The following PGPEP1 variants were observed in gnomAD, a reference collection of about 807,000 sequenced individuals.
PGPEP1 encodes pyroglutamyl-peptidase I.
PGPEP1 carries 15 observed loss-of-function variants against 24.1 expected under a neutral mutation model. The observed-to-expected ratio is 0.62, with a 90% confidence interval of 0.42 to 0.96. The LOEUF (loss-of-function observed/expected upper bound fraction) is 0.96. PGPEP1 is among the 40% of genes least tolerant of loss of function. The pLI is 0.00. For synonymous variants in PGPEP1, 122 were observed against 116.4 expected (o/e 1.05, Z -0.31); for missense variants, 242 against 273.4 (o/e 0.89, Z 0.81).
intron 2 of PGPEP1, among the ~76,000 whole-genome samples, chr19:18,347,635 CTT>C (rs1286507690): frequency 2.1e-4 from 29 of 135,828 alleles, no homozygotes; most frequent in Non-Finnish European, 2.4e-4. Flanking sequence ...TCTGTCTCTC[CTT>C]TTTTTTTTTT....
intron 2 of PGPEP1, among the ~76,000 whole-genome samples, chr19:18,345,581 C>T (rs1026371529): frequency 7.3e-5 from 11 of 150,776 alleles, no homozygotes; most frequent in African/African-American, 2.0e-4. Context: ...TACAAACAGC[C>T]GGGAGTGGTG....
chr19:18,354,833 T>C (rs971289807), intron 2 of PGPEP1, among the ~76,000 whole-genome samples: 2 of 151,592 alleles, frequency 1.3e-5, no homozygotes, highest in African/African-American at 4.8e-5. Flanking sequence ...TCTAAAATAA[T>C]AACAGTAATA....
chr19:18,358,979 A>G (rs1419104586), intron 4 of PGPEP1, among the ~76,000 whole-genome samples: 1 of 152,128 alleles, frequency 6.6e-6, no homozygotes, highest in Non-Finnish European at 1.5e-5. Flanking sequence ...ATTCTATTGC[A>G]AAAGGTCTTT....
Position 18,356,081 on chromosome 19 carries a change from T to G in PGPEP1, c.204+70T>G, listed in dbSNP as rs1166199663. 17 of 936,480 alleles carry G rather than the reference T, an allele frequency of 1.8e-5. No individual in the cohort carries two copies. In the Admixed American group the frequency reaches 2.9e-4, roughly 16 times the overall value. The allele number at this position is 936,480 out of a possible 1,614,324, so 58.0% of individuals were successfully genotyped here. On this transcript the variant is annotated intron_variant, in intron 3 of 4. Coordinates refer to ENST00000269919, the MANE Select transcript of PGPEP1 (RefSeq NM_017712.4). ...GTTGGCACCCTTCATGTGGAGGACT[T>G]AGGTGGCTTTGGTCCTGATCAGATC...
At chr19:18,353,046 T>C (rs963936122) in intron 2 of PGPEP1, among the ~76,000 whole-genome samples, 1 of 151,796 alleles carries the variant, frequency 6.6e-6, no homozygotes, top group African/African-American at 2.4e-5. Context: ...GCCTCCTGAG[T>C]AGCTGGGATT....
chr19:18,347,875 G>A (rs564489714), intron 2 of PGPEP1, among the ~76,000 whole-genome samples: 3 of 151,806 alleles, frequency 2.0e-5, no homozygotes, highest in East Asian at 1.9e-4. Flanking sequence ...CTCGTGATCC[G>A]CCTGCCTTGG....
chr19:18,340,769 C>A, intron 1 of PGPEP1, 54 bp downstream of exon 1: 1 of 1,330,616 alleles, frequency 7.5e-7, no homozygotes, highest in Non-Finnish European at 9.8e-7. Flanking sequence ...GAGGCGGGGG[C>A]GGCTCCGGGA....
Position 18,369,352 on chromosome 19 carries a change from C to A in PGPEP1, c.*5769C>A. On this transcript the variant is annotated 3_prime_UTR_variant, in exon 5 of 5. Coordinates refer to ENST00000269919, the MANE Select transcript of PGPEP1 (RefSeq NM_017712.4). ...CCCCAGTTACCCACAGAAGTGCCTG[C>A]CTCTCCAGCGCTCACAGAACACACA... 6.5e-6 allele frequency: 1 copy of A among 152,676 alleles called. No homozygotes were observed. The highest frequency in any genetic ancestry group is 1.5e-5 in the Non-Finnish European group (1 of 68,364). 9.5% of individuals were successfully genotyped at this position (152,676 alleles called of 1,614,324 possible). A position where few individuals can be genotyped will look rare whatever the true frequency, so the allele number is the denominator to read the frequency against.
intron 4 of PGPEP1, among the ~76,000 whole-genome samples, chr19:18,358,701 C>T (rs930040736): frequency 1.3e-5 from 2 of 152,242 alleles, no homozygotes; most frequent in South Asian, 2.1e-4. Context: ...CTGCAACCTC[C>T]GCCTCCTGGC....
intron 2 of PGPEP1, among the ~76,000 whole-genome samples, chr19:18,347,290 T>TTTTTTTTG (rs1970880494): frequency 7.0e-6 from 1 of 143,428 alleles, no homozygotes; most frequent in Non-Finnish European, 1.5e-5. Context: ...TTTTTTTTTG[T>TTTTTTTTG]AGAGATGGGA....
chr19:18,349,762 T>A (rs951767557), intron 2 of PGPEP1, among the ~76,000 whole-genome samples: 4 of 152,188 alleles, frequency 2.6e-5, no homozygotes, highest in African/African-American at 9.6e-5. Context: ...GGGAAATCCC[T>A]CCAGGTTGGT....
In PGPEP1 at chr19:18,357,404, T is replaced by C. The variant is rs775401250; in HGVS notation, c.226T>C (p.Ser76Pro). 32 of 1,613,320 alleles carry C rather than the reference T, an allele frequency of 2.0e-5. No homozygotes were observed. Among genetic ancestry groups the C allele is most frequent in the Admixed American group, 5.0e-5 (3 of 59,896 alleles). ...GCAGCTGGTGGTGCATGTGGGGGTG[T>C]CAGGCATGGCGACCACAGTCACACT... ...SPQLVVHVGV[S>P]GMATTVTLEK... The change falls in exon 4 of 5, where the codon TCA (serine) becomes CCA (proline). Residue 76 changes from serine (S) to proline (P), a missense_variant. Coordinates refer to ENST00000269919, the MANE Select transcript of PGPEP1 (RefSeq NM_017712.4).
chr19:18,341,660 G>A (rs1326500673), intron 1 of PGPEP1, among the ~76,000 whole-genome samples: 1 of 152,134 alleles, frequency 6.6e-6, no homozygotes, highest in African/African-American at 2.4e-5. Flanking sequence ...TCCTTTATCT[G>A]GTTATTTATT....
rs3078437 is a variant in PGPEP1, at chr19:18,343,679, CTTTTTT to C, written c.87+785_87+790del. Among the ~76,000 whole-genome samples, 401 of 115,072 alleles carry C rather than the reference CTTTTTT, an allele frequency of 3.5e-3. 2 individuals carry two copies. Among genetic ancestry groups the C allele is most frequent in the African/African-American group, 0.013 (383 of 28,990 alleles). 75.5% of individuals were successfully genotyped at this position (115,072 alleles called of 152,430 possible). On this transcript the variant is annotated intron_variant, in intron 2 of 4. Transcript: ENST00000269919. ...AATTATCCAACTCTAGGATCTCCCT[CTTTTTT>C]TTTTTTTTTTTTTTTTGAGACGAAA...
chr19:18,343,628 T>C (rs374562868), intron 2 of PGPEP1, among the ~76,000 whole-genome samples: 118 of 151,084 alleles, frequency 7.8e-4, no homozygotes, highest in African/African-American at 2.6e-3. Context: ...GCTGTTTATG[T>C]GGTGCTGGCG....
rs1448622108 is a variant in PGPEP1, at chr19:18,367,428, G to A, written c.*3845G>A. The stretch of plus-strand genomic sequence containing the variant: ...GATGAGTCCTCATGGAGGGTGCTGA[G>A]GCAGGGAACAGGGGTGCAGGGACAG... On this transcript the variant is annotated 3_prime_UTR_variant, in exon 5 of 5. Transcript: ENST00000269919. 6.6e-6 allele frequency: 1 copy of A among 152,074 alleles called. No homozygotes were observed. The highest frequency in any genetic ancestry group is 1.5e-5 in the Non-Finnish European group (1 of 68,088). The allele number at this position is 152,074 out of a possible 1,614,324, so 9.4% of individuals were successfully genotyped here.
intron 4 of PGPEP1, chr19:18,361,898 C>A (rs1436795600): frequency 1.0e-6 from 1 of 984,470 alleles, no homozygotes; most frequent in Non-Finnish European, 1.2e-6. Flanking sequence ...ATGCATCTGG[C>A]GAGTTCTCCA....
At chr19:18,353,105 G>T (rs1213407989) in intron 2 of PGPEP1, among the ~76,000 whole-genome samples, 1 of 151,648 alleles carries the variant, frequency 6.6e-6, no homozygotes, top group Admixed American at 6.6e-5. Flanking sequence ...TTTTAGTAGA[G>T]ACGGGGTTTC....
rs1180443467 is a variant in PGPEP1, at chr19:18,369,713, CCCTT to C, written c.*6133_*6136del. 1 of 152,082 alleles carries C rather than the reference CCCTT, an allele frequency of 6.6e-6. No homozygotes were observed. Among genetic ancestry groups the C allele is most frequent in the Non-Finnish European group, 1.5e-5 (1 of 68,006 alleles). The allele number at this position is 152,082 out of a possible 1,614,324, so 9.4% of individuals were successfully genotyped here. ...TCTTAAATTTCTTTCTAGGAAAAAACCCTTCCCTGCCAAAGGTGACTGTGTTTTC... is the reference window on the plus strand; with the variant it reads ...TCTTAAATTTCTTTCTAGGAAAAAACCCCTGCCAAAGGTGACTGTGTTTTC... On this transcript the variant is annotated 3_prime_UTR_variant, in exon 5 of 5. Coordinates refer to ENST00000269919, the MANE Select transcript of PGPEP1 (RefSeq NM_017712.4).
Sources: allele counts gnomAD v4.1 joint callset (sites outside exome capture counted in the v4.1 genomes callset), GRCh38; gene constraint gnomAD v4.1.1; transcripts MANE v1.5; gene names NCBI Gene and HGNC (gene_info 2026-07-23, HGNC 2026-07-21).